The following CPNE8 variants were observed in gnomAD, a reference collection of about 807,000 sequenced individuals.
CPNE8 encodes the protein copine 8, also known as copine-8.
In CPNE8, 45 loss-of-function variants were observed where a neutral mutation model predicts 81.5. The observed-to-expected ratio is 0.55, with a 90% CI of 0.44 to 0.71. The LOEUF is 0.71. Among genes scored for constraint, CPNE8 ranks in the 30% least tolerant of loss-of-function variants. CPNE8 has a pLI of 0.00. For missense variants in CPNE8, 594 were observed against 672.1 expected (o/e 0.88, Z 1.28); for synonymous variants, 252 against 226.3 (o/e 1.11, Z -1.02).
At chr12:38,750,621 T>C (rs966375596) in intron 10 of CPNE8, among the ~76,000 whole-genome samples, 1 of 152,264 alleles carries the variant, frequency 6.6e-6, no homozygotes, top group African/African-American at 2.4e-5. Flanking sequence ...TGCATGGGCC[T>C]GTAGCCCCTT....
intron 11 of CPNE8, 36 bp from the exon 12 acceptor site, chr12:38,724,935 GT>G: frequency 6.7e-7 from 1 of 1,486,124 alleles, no homozygotes. Flanking sequence ...AATGTGTTAG[GT>G]TTTATACCGA....
At chr12:38,892,012 G>T (rs1157869195) in intron 1 of CPNE8, among the ~76,000 whole-genome samples, 4 of 152,172 alleles carry the variant, frequency 2.6e-5, no homozygotes, top group Non-Finnish European at 4.4e-5. Flanking sequence ...AATGTTGTCT[G>T]GGAACTCCAA....
At chr12:38,868,324 G>T (rs1288663432) in intron 3 of CPNE8, among the ~76,000 whole-genome samples, 2 of 152,074 alleles carry the variant, frequency 1.3e-5, no homozygotes, top group East Asian at 3.9e-4. Context: ...GATAAATAAA[G>T]GATACATTTA....
At chr12:38,814,660 T>C (rs183768698) in intron 6 of CPNE8, among the ~76,000 whole-genome samples, 6 of 152,216 alleles carry the variant, frequency 3.9e-5, no homozygotes, top group Non-Finnish European at 7.4e-5. Context: ...AACAATGGAA[T>C]TTTAAGATCT....
At chr12:38,764,752 G>A (rs1020207053) in intron 8 of CPNE8, among the ~76,000 whole-genome samples, 1 of 151,128 alleles carries the variant, frequency 6.6e-6, no homozygotes, top group Admixed American at 6.6e-5. Context: ...CATTCTTAAA[G>A]ATCTGCAAAG....
intron 6 of CPNE8, among the ~76,000 whole-genome samples, chr12:38,815,593 C>T (rs111690042): frequency 1.6e-3 from 243 of 152,240 alleles, no homozygotes; most frequent in Non-Finnish European, 2.7e-3. Context: ...AATAAATTCG[C>T]TGTCACACAT....
rs537970119 is a variant in CPNE8, at chr12:38,678,625, G to A, written c.1272-1071C>T. Among the ~76,000 whole-genome samples the A allele has an allele frequency of 1.2e-4, 18 of 151,954 alleles. No homozygotes were observed. In the South Asian group the frequency reaches 3.1e-3, roughly 26 times the overall value. On this transcript the variant is annotated intron_variant, in intron 16 of 19. Coordinates refer to ENST00000331366, the MANE Select transcript of CPNE8 (RefSeq NM_153634.3). ...TGGTGACAAACAAATAGTATAAAAC[G>A]TATGTCAGGGCACAACTTATTTCTT... is the stretch of plus-strand genomic sequence containing the variant.
chr12:38,683,994 T>C (rs941837455), intron 16 of CPNE8, among the ~76,000 whole-genome samples: 1 of 152,068 alleles, frequency 6.6e-6, no homozygotes, highest in East Asian at 1.9e-4. Context: ...CCAGAAAAAA[T>C]TATGAAATTA....
At chr12:38,688,474 T>A (rs1939591031) in intron 15 of CPNE8, among the ~76,000 whole-genome samples, 1 of 152,186 alleles carries the variant, frequency 6.6e-6, no homozygotes, top group African/African-American at 2.4e-5. Context: ...AAAGTTGTAA[T>A]GAGTTATAAA....
At chr12:38,680,159 AAAT>A (rs1939378579) in intron 16 of CPNE8, among the ~76,000 whole-genome samples, 1 of 151,902 alleles carries the variant, frequency 6.6e-6, no homozygotes. Flanking sequence ...CATTTCTTTG[AAAT>A]AAGTTTCTGG....
intron 5 of CPNE8, among the ~76,000 whole-genome samples, chr12:38,829,944 G>A (rs965008397): frequency 2.0e-5 from 3 of 152,164 alleles, no homozygotes; most frequent in African/African-American, 7.2e-5. Flanking sequence ...CTTACTAACT[G>A]TGATTGTAGG....
intron 10 of CPNE8, among the ~76,000 whole-genome samples, chr12:38,758,452 T>C (rs1369472715): frequency 6.6e-6 from 1 of 152,190 alleles, no homozygotes; most frequent in Non-Finnish European, 1.5e-5. Flanking sequence ...ATAAGTCCAA[T>C]GTCCAGGTTG....
chr12:38,873,145 A>G (rs1944017021), intron 2 of CPNE8, 95 bp from the exon 3 acceptor site: 3 of 749,732 alleles, frequency 4.0e-6, no homozygotes, highest in South Asian at 3.5e-5. Context: ...CAAAAGCTAC[A>G]TCAAAATTAA....
chr12:38,905,436 C>T lies in CPNE8; in HGVS notation c.98+1G>A. The T allele has an allele frequency of 6.4e-7, 1 of 1,560,724 alleles. No homozygotes were observed. Among genetic ancestry groups the T allele is most frequent in the Non-Finnish European group, 8.7e-7 (1 of 1,152,702 alleles). ...AGAGAGGGGAAGGGCTGCGTCCTCACCTGCAGGACACGGACACCTCCACCC... is the reference window on the plus strand; with the variant it reads ...AGAGAGGGGAAGGGCTGCGTCCTCATCTGCAGGACACGGACACCTCCACCC... On this transcript the variant is annotated splice_donor_variant, in intron 1 of 19. Coordinates refer to ENST00000331366, the MANE Select transcript of CPNE8 (RefSeq NM_153634.3). LOFTEE classifies it high-confidence loss of function.
chr12:38,859,964 G>T (rs895521975), intron 3 of CPNE8, among the ~76,000 whole-genome samples: 1 of 152,066 alleles, frequency 6.6e-6, no homozygotes, highest in South Asian at 2.1e-4. Flanking sequence ...ACTCTTAGAA[G>T]AAAACATAGG....
At chr12:38,728,324 C>T (rs1408937638) in intron 11 of CPNE8, among the ~76,000 whole-genome samples, 1 of 151,986 alleles carries the variant, frequency 6.6e-6, no homozygotes. Context: ...AGAAGGAAAT[C>T]ATGCGTAAAG....
chr12:38,777,926 A>G lies in CPNE8; in HGVS notation c.408-1625T>C, dbSNP rs553489726. On this transcript the variant is annotated intron_variant, in intron 6 of 19. Transcript: ENST00000331366. The stretch of plus-strand genomic sequence containing the variant: ...ATCAGCAGCAGCATTAGATTCTCAT[A>G]GGAACGTGAACCCTATTGTGAACTG... Among the ~76,000 whole-genome samples the G allele has an allele frequency of 2.0e-5, 3 of 152,186 alleles. No homozygotes were observed. The South Asian group carries it at 6.2e-4, about 32-fold the overall frequency.
intron 7 of CPNE8, among the ~76,000 whole-genome samples, chr12:38,769,375 C>G (rs1182432122): frequency 6.6e-6 from 1 of 152,088 alleles, no homozygotes; most frequent in African/African-American, 2.4e-5. Flanking sequence ...ATATCATGTT[C>G]TTTTTAAATT....
chr12:38,659,663 C>T (rs1938905822), intron 19 of CPNE8, among the ~76,000 whole-genome samples: 1 of 152,178 alleles, frequency 6.6e-6, no homozygotes, highest in African/African-American at 2.4e-5. Flanking sequence ...CGCTCCTCAG[C>T]AAATGTAAAA....
Sources: allele counts gnomAD v4.1 joint callset (sites outside exome capture counted in the v4.1 genomes callset), GRCh38; gene constraint gnomAD v4.1.1; transcripts MANE v1.5; gene names NCBI Gene and HGNC (gene_info 2026-07-23, HGNC 2026-07-21).